Variants in TTC7B observed in about 807,000 individuals in gnomAD.
TTC7B encodes tetratricopeptide repeat protein 7B.
A neutral mutation model predicts 106.8 loss-of-function variants in TTC7B; 28 were observed. The observed-to-expected ratio is 0.26, with a 90% confidence interval of 0.19 to 0.36. The LOEUF is 0.36. Ranked by LOEUF, TTC7B falls within the 10% of genes least tolerant of loss-of-function variation. The pLI is 1.00. For synonymous variants in TTC7B, 405 were observed against 430.6 expected, an observed-to-expected ratio of 0.94 and a Z score of 0.74; for missense variants, 862 against 1,076.4, an observed-to-expected ratio of 0.80 and a Z score of 2.79.
chr14:90,589,066 C>A (rs1891843703), intron 18 of TTC7B, among the ~76,000 whole-genome samples: 1 of 152,132 alleles, frequency 6.6e-6, no homozygotes, highest in Non-Finnish European at 1.5e-5. Flanking sequence ...ACTTGTCAGA[C>A]TGGAAAGATC....
chr14:90,812,471 C>A (rs940592809), intron 1 of TTC7B, among the ~76,000 whole-genome samples: 1 of 152,188 alleles, frequency 6.6e-6, no homozygotes, highest in Admixed American at 6.5e-5. Context: ...TCCCCCAAAC[C>A]CCTGGACACC....
intron 5 of TTC7B, among the ~76,000 whole-genome samples, chr14:90,718,600 T>C (rs902348999): frequency 6.6e-6 from 1 of 152,108 alleles, no homozygotes; most frequent in Non-Finnish European, 1.5e-5. Context: ...GAGCCGTAAG[T>C]TCCATGAAGC....
chr14:90,622,865 C>A (rs1284214385), intron 15 of TTC7B, among the ~76,000 whole-genome samples: 1 of 152,182 alleles, frequency 6.6e-6, no homozygotes, highest in African/African-American at 2.4e-5. Context: ...GCATTTCATA[C>A]AATGCCTTTG....
chr14:90,802,015 C>T lies in TTC7B; in HGVS notation c.121+14160G>A, dbSNP rs190912490. Among the ~76,000 whole-genome samples, 24 of 151,006 alleles carry T rather than the reference C, an allele frequency of 1.6e-4. No individual in the cohort carries two copies. Among genetic ancestry groups the T allele is most frequent in the African/African-American group, 4.9e-4 (20 of 41,064 alleles). The stretch of plus-strand genomic sequence containing the variant: ...GGTGGAGGTTGCAGTGAGCCAAGAT[C>T]GTGCCATTGTACTCCAGCCTGGACA... On this transcript the variant is annotated intron_variant, in intron 1 of 19. Coordinates refer to ENST00000328459, the MANE Select transcript of TTC7B (RefSeq NM_001010854.2). The surrounding 1 kb of genome is among the most constrained non-coding windows in gnomAD (Gnocchi z 4.7).
At chr14:90,614,298 C>T (rs1216951619) in intron 16 of TTC7B, among the ~76,000 whole-genome samples, 1 of 151,656 alleles carries the variant, frequency 6.6e-6, no homozygotes, top group Non-Finnish European at 1.5e-5. Flanking sequence ...AGAATGAGGA[C>T]ATGCTTTATA....
In TTC7B at chr14:90,554,597, G is replaced by A. The variant is rs933012632; in HGVS notation, c.2311-13008C>T. Among the ~76,000 whole-genome samples the A allele has an allele frequency of 4.6e-5, 7 of 152,320 alleles. 1 individual carries two copies. The highest frequency in any genetic ancestry group is 1.4e-4 in the African/African-American group (6 of 41,582). On this transcript the variant is annotated intron_variant, in intron 19 of 19. Transcript: ENST00000328459. ...AGGCTGTCACTCGAGCCACGCTCTT[G>A]CCCTCGCTCAAGGCTCGGGACTGGA...
intron 2 of TTC7B, among the ~76,000 whole-genome samples, 183 bp downstream of exon 2, chr14:90,785,991 A>G (rs950673407): frequency 6.6e-6 from 1 of 152,162 alleles, no homozygotes; most frequent in African/African-American, 2.4e-5. Context: ...AGAAGCCCCC[A>G]CAGTGGTCAG....
chr14:90,599,468 T>G (rs1003856991), intron 17 of TTC7B, among the ~76,000 whole-genome samples: 1 of 152,086 alleles, frequency 6.6e-6, no homozygotes, highest in African/African-American at 2.4e-5. Context: ...GTGAAAAACA[T>G]CCTCTACCAA....
rs1889306827 is a variant in TTC7B, at chr14:90,532,320, C to T, written c.*9048G>A. ...ACTCTGGAGATAATTTAAAGTTGAT[C>T]CCCTATTTGTACATTACAGGATGCT... On this transcript the variant is annotated 3_prime_UTR_variant, in exon 20 of 20. Transcript: ENST00000328459. The T allele has an allele frequency of 1.3e-5, 2 of 152,178 alleles. No individual in the cohort carries two copies. The highest frequency in any genetic ancestry group is 1.3e-4 in the Admixed American group (2 of 15,282). 9.4% of individuals were successfully genotyped at this position (152,178 alleles called of 1,614,324 possible).
chr14:90,556,388 G>C (rs1890307670), intron 19 of TTC7B, among the ~76,000 whole-genome samples: 1 of 152,148 alleles, frequency 6.6e-6, no homozygotes, highest in Non-Finnish European at 1.5e-5. Flanking sequence ...GGCGGTAGCT[G>C]TCAGCTCATA....
At chr14:90,601,633 A>C (rs916927843) in intron 17 of TTC7B, among the ~76,000 whole-genome samples, 23 of 152,212 alleles carry the variant, frequency 1.5e-4, no homozygotes, top group African/African-American at 5.3e-4. Context: ...CCAAAAAAAC[A>C]ACTGCTAGGG....
intron 5 of TTC7B, among the ~76,000 whole-genome samples, chr14:90,703,081 TCC>T (rs1888059512): frequency 6.6e-6 from 1 of 152,114 alleles, no homozygotes; most frequent in African/African-American, 2.4e-5. Flanking sequence ...GCTCGCCACT[TCC>T]ACTGGGGAAG....
At chr14:90,711,681 C>CA (rs1444859939) in intron 5 of TTC7B, among the ~76,000 whole-genome samples, 3 of 152,210 alleles carry the variant, frequency 2.0e-5, no homozygotes, top group Admixed American at 1.3e-4. Context: ...CTTTGCCCCC[C>CA]AAAGTGCTGG....
intron 5 of TTC7B, chr14:90,697,454 C>T (rs1481139339): frequency 6.6e-6 from 1 of 151,398 alleles, no homozygotes; most frequent in Non-Finnish European, 1.5e-5. Flanking sequence ...CACATAAGCT[C>T]TAAAACAGAA....
At chr14:90,627,603 C>T (rs10138163) in intron 15 of TTC7B, among the ~76,000 whole-genome samples, 13,930 of 152,220 alleles carry the variant, frequency 0.092, 668 homozygotes, top group Middle Eastern at 0.11. Flanking sequence ...GTGGCCGTCC[C>T]GGGTGGTTTG....
At chr14:90,643,302 G>A (rs1885268013) in intron 15 of TTC7B, among the ~76,000 whole-genome samples, 2 of 151,972 alleles carry the variant, frequency 1.3e-5, no homozygotes, top group African/African-American at 4.8e-5. Context: ...CAGCTACTAG[G>A]GAAGCTGAGA....
chr14:90,696,412 G>A (rs1003407090), intron 5 of TTC7B, among the ~76,000 whole-genome samples: 6 of 152,140 alleles, frequency 3.9e-5, no homozygotes, highest in Admixed American at 1.3e-4. Context: ...GACATAACTC[G>A]GCGATATTTA....
rs1352678991 is a variant in TTC7B at position 90,767,038 on chromosome 14, AAAAAAAAG to A, written c.445+13692_445+13699del. ...AAATAGTTTATATACCAAAAAAAAA[AAAAAAAAG>A]AAAGAAAGGAAGAAAAGAAATTCTG... On this transcript the variant is annotated intron_variant, in intron 3 of 19. Transcript: ENST00000328459. 6.5e-5 allele frequency: 54 copies of A among 831,514 alleles called. No individual in the cohort carries two copies. In the African/African-American group the frequency reaches 6.8e-4, roughly 10 times the overall value. The allele number at this position is 831,514 out of a possible 1,614,324, so 51.5% of individuals were successfully genotyped here.
intron 18 of TTC7B, among the ~76,000 whole-genome samples, chr14:90,581,661 A>G (rs1329755690): frequency 6.6e-6 from 1 of 152,228 alleles, no homozygotes; most frequent in Non-Finnish European, 1.5e-5. Flanking sequence ...TCTCCCAGTT[A>G]GAGCATTATG....
Sources: allele counts gnomAD v4.1 joint callset (sites outside exome capture counted in the v4.1 genomes callset), GRCh38; gene constraint gnomAD v4.1.1; non-coding constraint Gnocchi (gnomAD v3.1); transcripts MANE v1.5; gene names NCBI Gene and HGNC (gene_info 2026-07-23, HGNC 2026-07-21).